The following ATRN variants were observed in gnomAD, a reference collection of about 807,000 sequenced individuals.
ATRN encodes attractin, also known as attractin-2.
A neutral mutation model predicts 178.7 loss-of-function variants in ATRN; 54 were observed. The observed-to-expected ratio is 0.30, with a 90% CI of 0.24 to 0.38. ATRN has a LOEUF of 0.38. ATRN is among the 10% of genes least tolerant of loss of function. The pLI is 1.00. For synonymous variants in ATRN, 636 were observed against 663.0 expected, an observed-to-expected ratio of 0.96 and a Z score of 0.63; for missense variants, 1,443 against 1,815.1, an observed-to-expected ratio of 0.79 and a Z score of 3.73.
chr20:3,498,495 G>T (rs1256034146), intron 1 of ATRN, among the ~76,000 whole-genome samples: 1 of 151,696 alleles, frequency 6.6e-6, no homozygotes, highest in Non-Finnish European at 1.5e-5. Context: ...TGATCAAGTG[G>T]GCTTCATCCC....
At chr20:3,620,900 C>T (rs866208657) in intron 24 of ATRN, among the ~76,000 whole-genome samples, 6 of 152,162 alleles carry the variant, frequency 3.9e-5, no homozygotes, top group East Asian at 3.8e-4. Context: ...ACCCATGGCC[C>T]GCGGGCTACA....
At chr20:3,597,780 G>A in intron 21 of ATRN, 126 bp from the exon 22 acceptor site, 1 of 580,024 alleles carries the variant, frequency 1.7e-6, no homozygotes, top group Non-Finnish European at 3.0e-6. Flanking sequence ...TGAGGAACCT[G>A]GGTACAGCTG....
chr20:3,565,207 A>G (rs1247244527), intron 10 of ATRN, 141 bp from the exon 11 acceptor site: 3 of 645,870 alleles, frequency 4.6e-6, no homozygotes, highest in Non-Finnish European at 8.0e-6. Context: ...ATTTTAACCC[A>G]GAAATGATGT....
At chr20:3,624,236 G>A (rs560058540) in intron 24 of ATRN, among the ~76,000 whole-genome samples, 1 of 152,328 alleles carries the variant, frequency 6.6e-6, no homozygotes, top group South Asian at 2.1e-4. Context: ...GGAGGCATGC[G>A]AGGGTCTCCA....
In ATRN at chr20:3,626,781, C is replaced by CTTTT. The variant is rs33999405; in HGVS notation, c.3863+2225_3863+2228dup. On this transcript the variant is annotated intron_variant, in intron 25 of 28. Coordinates refer to ENST00000262919, the MANE Select transcript of ATRN (RefSeq NM_139321.3). The stretch of plus-strand genomic sequence containing the variant: ...TTTTTGAAATGCATATGAATTATTT[C>CTTTT]TTTTTTTTTTTTTTTTTTTGAAACT... 1.3e-3 allele frequency among the ~76,000 whole-genome samples: 153 copies of CTTTT among 118,132 alleles called. 3 individuals are homozygous for CTTTT. The highest frequency in any genetic ancestry group is 4.7e-3 in the African/African-American group (143 of 30,752). The allele number at this position is 118,132 out of a possible 152,430, so 77.5% of individuals were successfully genotyped here.
At chr20:3,586,626 A>G (rs1390686505) in intron 18 of ATRN, among the ~76,000 whole-genome samples, 2 of 151,220 alleles carry the variant, frequency 1.3e-5, no homozygotes, top group African/African-American at 2.4e-5. Context: ...AATAATAGGC[A>G]TGAGGTTTTC....
chr20:3,545,330 C>T (rs922055383), intron 3 of ATRN, among the ~76,000 whole-genome samples: 4 of 149,722 alleles, frequency 2.7e-5, no homozygotes, highest in Non-Finnish European at 5.9e-5. Flanking sequence ...CACCACTGCA[C>T]TCCAGCCTGG....
chr20:3,524,895 G>A (rs1006052497), intron 1 of ATRN, among the ~76,000 whole-genome samples: 40 of 152,126 alleles, frequency 2.6e-4, no homozygotes, highest in Non-Finnish European at 7.3e-5. Context: ...TCTCTGGGAC[G>A]CAGCCAAAGC....
intron 26 of ATRN, among the ~76,000 whole-genome samples, chr20:3,636,514 A>G (rs186554119): frequency 7.5e-4 from 115 of 152,364 alleles, no homozygotes; most frequent in African/African-American, 2.6e-3. Flanking sequence ...TATCTGGATA[A>G]CCAGCATCAC....
chr20:3,606,725 C>T lies in ATRN; in HGVS notation c.3801+2463C>T, dbSNP rs375262882. 1.8e-4 allele frequency among the ~76,000 whole-genome samples: 27 copies of T among 152,292 alleles called. No homozygotes were observed. The East Asian group carries it at 4.4e-3, about 25-fold the overall frequency. On this transcript the variant is annotated intron_variant, in intron 24 of 28. Transcript: ENST00000262919. ...TGACGTATTATTTCCTTACTTTACACGTTGTTGGATTCAGTTTGCTAATAT... is the reference window on the plus strand; with the variant it reads ...TGACGTATTATTTCCTTACTTTACATGTTGTTGGATTCAGTTTGCTAATAT...
chr20:3,548,100 G>C (rs552152374), intron 5 of ATRN, among the ~76,000 whole-genome samples: 56 of 152,244 alleles, frequency 3.7e-4, no homozygotes, highest in African/African-American at 1.3e-3. Context: ...ATCTACCATT[G>C]TGCAAATATT....
At chr20:3,630,915 G>GTTTTTT (rs1568774646) in intron 25 of ATRN, among the ~76,000 whole-genome samples, 1 of 62,456 alleles carries the variant, frequency 1.6e-5, no homozygotes, top group Non-Finnish European at 3.9e-5. Flanking sequence ...AATTTATTTA[G>GTTTTTT]CTTTTTTTTT....
chr20:3,487,379 C>T (rs2006661), intron 1 of ATRN, among the ~76,000 whole-genome samples: 24,565 of 151,988 alleles, frequency 0.16, 2,289 homozygotes, highest in Non-Finnish European at 0.21. Flanking sequence ...ATTACAGATG[C>T]GTGCCACCAC....
chr20:3,480,085 G>A (rs796874734), intron 1 of ATRN, among the ~76,000 whole-genome samples: 101 of 152,310 alleles, frequency 6.6e-4, no homozygotes, highest in African/African-American at 2.4e-3. Flanking sequence ...AACTTGTGAG[G>A]GGTGTAATGG....
chr20:3,490,024 G>T, intron 1 of ATRN: 1 of 1,015,648 alleles, frequency 9.8e-7, no homozygotes, highest in Non-Finnish European at 1.6e-6. Flanking sequence ...TGTTCCCTGA[G>T]AGTCAGAGTA....
rs1428911730 is a variant in ATRN, at chr20:3,628,984, A to G, written c.3863+4412A>G. 3.0e-6 allele frequency: 3 copies of G among 985,010 alleles called. No individual in the cohort carries two copies. In the African/African-American group the frequency reaches 5.3e-5, roughly 17 times the overall value. The allele number at this position is 985,010 out of a possible 1,614,324, so 61.0% of individuals were successfully genotyped here. A position where few individuals can be genotyped will look rare whatever the true frequency, so the allele number is the denominator to read the frequency against. ...CTGCAGCACGACATGCCCAGAAGTG[A>G]CCAATTCCATCCTTCCTCACCGGTG... On this transcript the variant is annotated intron_variant, in intron 25 of 28. Coordinates refer to ENST00000262919, the MANE Select transcript of ATRN (RefSeq NM_139321.3).
intron 1 of ATRN, among the ~76,000 whole-genome samples, chr20:3,505,197 A>G (rs770137583): frequency 6.6e-6 from 1 of 152,196 alleles, no homozygotes; most frequent in Non-Finnish European, 1.5e-5. Context: ...TTGAGGGCGT[A>G]GATAGAACAA....
intron 27 of ATRN, among the ~76,000 whole-genome samples, chr20:3,643,554 G>C (rs576429554): frequency 6.6e-6 from 1 of 151,790 alleles, no homozygotes; most frequent in African/African-American, 2.4e-5. Context: ...CTAATATAGG[G>C]GACAAATCTC....
rs370342897 is a variant in ATRN, at chr20:3,516,623, A to G, written c.411-18630A>G. The stretch of plus-strand genomic sequence containing the variant: ...ATAATAAGGAGGAGCCAAGGGGGAT[A>G]TGAAGAAAATGGCAGCCTGAATGAG... On this transcript the variant is annotated intron_variant, in intron 1 of 28. Transcript: ENST00000262919. Among the ~76,000 whole-genome samples the G allele has an allele frequency of 5.3e-5, 8 of 152,340 alleles. No individual in the cohort carries two copies. In the East Asian group the frequency reaches 1.5e-3, roughly 29 times the overall value.
Sources: gnomAD v4.1 joint callset for allele counts (sites outside exome capture counted in the v4.1 genomes callset) on GRCh38, gnomAD v4.1.1 for gene constraint, MANE v1.5 for transcripts, NCBI Gene and HGNC (gene_info 2026-07-23, HGNC 2026-07-21) for gene names.